The following CASP2 variants were observed in gnomAD, a reference collection of about 807,000 sequenced individuals.
The protein encoded by CASP2 is caspase 2, also known as caspase-2.
A neutral mutation model predicts 54.4 loss-of-function variants in CASP2; 38 were observed. The ratio of observed to expected loss-of-function variants is 0.70; its 90% CI spans 0.54 to 0.92. The LOEUF is 0.92. Ranked by LOEUF, CASP2 falls within the 40% of genes least tolerant of loss-of-function variation. CASP2 has a pLI of 0.00. For missense variants in CASP2, 512 were observed against 579.6 expected (o/e 0.88, Z 1.20); for synonymous variants, 215 against 216.3 (o/e 0.99, Z 0.05).
At chr7:143,297,729 G>T (rs1489681075) in intron 6 of CASP2, among the ~76,000 whole-genome samples, 1 of 152,106 alleles carries the variant, frequency 6.6e-6, no homozygotes, top group East Asian at 1.9e-4. Flanking sequence ...TTACAGGCGT[G>T]AGCCACCGCG....
At position 143,291,580 on chromosome 7, in the gene CASP2, ACT is replaced by A. The variant is rs1239926646; in HGVS notation, c.118_119del (p.Leu40LysfsTer53). ...TGGCATGCATCCTCATCATCAGGAAACTCTAAAAAAGAACCGAGTGGTGCTAG... is the reference window on the plus strand; with the variant it reads ...TGGCATGCATCCTCATCATCAGGAAACTAAAAAAGAACCGAGTGGTGCTAG... ...VCGMHPHHQE[T>X]LKKNRVVLAK... On this transcript the variant is annotated frameshift_variant, in exon 2 of 11. Coordinates refer to ENST00000310447, the MANE Select transcript of CASP2 (RefSeq NM_032982.4). LOFTEE classifies it high-confidence loss of function. 7 of 1,613,874 alleles carry A rather than the reference ACT, an allele frequency of 4.3e-6. No individual in the cohort carries two copies. The highest frequency in any genetic ancestry group is 1.3e-5 in the African/African-American group (1 of 74,848).
Position 143,291,600 on chromosome 7 carries a change from G to A in CASP2, c.135G>A (p.Val45=), listed in dbSNP as rs61732978. 1.1e-4 allele frequency: 183 copies of A among 1,613,976 alleles called. 1 individual carries two copies. In the African/African-American group the frequency reaches 2.1e-3, roughly 19 times the overall value. Residue 45 remains valine (V), a synonymous_variant, in exon 2 of 11, where the codon GTG becomes GTA. Transcript: ENST00000310447. ...HHQETLKKNR[V]VLAKQLLLSE... ...AGGAAACTCTAAAAAAGAACCGAGT[G>A]GTGCTAGCCAAACAGCTGTTGTTGA...
intron 1 of CASP2, chr7:143,289,622 T>C (rs1456590751): frequency 8.1e-6 from 8 of 984,198 alleles, no homozygotes; most frequent in Admixed American, 6.1e-5. Flanking sequence ...CGAATACTAC[T>C]GGTAAACTAA....
chr7:143,303,854 T>C lies in CASP2; in HGVS notation c.1038T>C (p.Ser346=). 1.9e-6 allele frequency: 3 copies of C among 1,613,558 alleles called. No homozygotes were observed. The highest frequency in any genetic ancestry group is 2.5e-6 in the Non-Finnish European group (3 of 1,179,832). ...NHAGSPGCEE[S]DAGKEKLPKM... is the part of the protein sequence containing the mutation. The stretch of plus-strand genomic sequence containing the variant: ...CAGGATCCCCTGGGTGCGAGGAGAG[T>C]GATGCCGGTAAAGAAAAGTTGCCGA... The change falls in exon 9 of 11, where the codon AGT becomes AGC. Residue 346 remains serine (S), a synonymous_variant. Transcript: ENST00000310447.
At chr7:143,288,588 C>G in intron 1 of CASP2, 59 bp downstream of exon 1, 1 of 1,470,816 alleles carries the variant, frequency 6.8e-7, no homozygotes, top group Non-Finnish European at 9.4e-7. Context: ...GAGCGTGGCC[C>G]CCAGGCGTGC....
chr7:143,291,480 C>T, intron 1 of CASP2, 60 bp from the exon 2 acceptor site: 3 of 1,535,866 alleles, frequency 2.0e-6, no homozygotes, highest in Non-Finnish European at 2.7e-6. Context: ...GCCTCTTCCA[C>T]TCCACTCTTC....
intron 1 of CASP2, chr7:143,290,596 C>G (rs1801527507): frequency 6.6e-6 from 1 of 152,178 alleles, no homozygotes; most frequent in African/African-American, 2.4e-5. Context: ...GATCTCTTTG[C>G]AAGCCTGTAG....
Position 143,305,212 on chromosome 7 carries a change from A to G in CASP2, c.*141A>G. The G allele has an allele frequency of 2.7e-6, 3 of 1,093,212 alleles. No homozygotes were observed. The Admixed American group carries it at 5.8e-5, about 21-fold the overall frequency. 67.7% of individuals were successfully genotyped at this position (1,093,212 alleles called of 1,614,324 possible). On this transcript the variant is annotated 3_prime_UTR_variant, in exon 11 of 11. Transcript: ENST00000310447. ...TCTCCCAGACTTGTTTCCTGTGCCCATCATCTCTGCCTTTGAGTGTGGGAC... is the reference window on the plus strand; with the variant it reads ...TCTCCCAGACTTGTTTCCTGTGCCCGTCATCTCTGCCTTTGAGTGTGGGAC...
chr7:143,301,007 A>G (rs1801901201), intron 8 of CASP2: 1 of 780,662 alleles, frequency 1.3e-6, no homozygotes, highest in Non-Finnish European at 1.6e-6. Context: ...ACCATTTACT[A>G]GTAACGTGAA....
At chr7:143,291,298 T>G (rs988797272) in intron 1 of CASP2, among the ~76,000 whole-genome samples, 2 of 152,240 alleles carry the variant, frequency 1.3e-5, no homozygotes, top group African/African-American at 4.8e-5. Flanking sequence ...CCTCCTCTAG[T>G]CAGACCATTC....
intron 6 of CASP2, 136 bp downstream of exon 6, chr7:143,294,909 C>G (rs1038521039): frequency 1.5e-5 from 12 of 778,094 alleles, no homozygotes; most frequent in Non-Finnish European, 2.6e-5. Context: ...TTTACTCACT[C>G]TGTTCTGCCT....
intron 6 of CASP2, among the ~76,000 whole-genome samples, chr7:143,295,609 TC>T (rs1407317031): frequency 6.6e-6 from 1 of 152,246 alleles, no homozygotes; most frequent in Non-Finnish European, 1.5e-5. Flanking sequence ...GCTAGGAGAT[TC>T]ACTTTGATCT....
intron 5 of CASP2, 46 bp downstream of exon 5, chr7:143,294,370 A>G: frequency 7.5e-7 from 1 of 1,330,400 alleles, no homozygotes; most frequent in Non-Finnish European, 1.1e-6. Context: ...GGGAAATTAG[A>G]CACCCTTCCT....
intron 1 of CASP2, chr7:143,289,655 T>A: frequency 1.0e-6 from 1 of 971,230 alleles, no homozygotes; most frequent in Non-Finnish European, 1.2e-6. Flanking sequence ...GCTGCACCAC[T>A]GGTTAGTATC....
chr7:143,288,650 T>C, intron 1 of CASP2, 121 bp downstream of exon 1: 3 of 916,316 alleles, frequency 3.3e-6, no homozygotes, highest in South Asian at 3.1e-5. Context: ...GTGTCCGCGC[T>C]TCCTGCCAAG....
chr7:143,288,410 T>TTGGGCTG lies in CASP2; in HGVS notation c.-40_-34dup, dbSNP rs1177242655. The stretch of plus-strand genomic sequence containing the variant: ...GGGGAAGCGACGGCCCCCGGTTTGT[T>TTGGGCTG]TGGGCTGTGGGCGGTGCGCAGCGGA... On this transcript the variant is annotated 5_prime_UTR_variant, in exon 1 of 11. Transcript: ENST00000310447. The TTGGGCTG allele has an allele frequency of 6.3e-7, 1 of 1,597,010 alleles. No homozygotes were observed. The highest frequency in any genetic ancestry group is 8.6e-7 in the Non-Finnish European group (1 of 1,167,440).
chr7:143,293,350 AC>A, intron 4 of CASP2: 1 of 428,656 alleles, frequency 2.3e-6, no homozygotes, highest in Non-Finnish European at 4.1e-6. Context: ...CTGGTGTCAA[AC>A]TTCTGGCCTC....
intron 6 of CASP2, among the ~76,000 whole-genome samples, chr7:143,295,083 A>C (rs978466852): frequency 2.6e-5 from 4 of 151,544 alleles, no homozygotes; most frequent in Non-Finnish European, 5.9e-5. Context: ...GCTGGAGTGC[A>C]ATGGCACGAT....
chr7:143,289,680 A>G (rs1441295247), intron 1 of CASP2: 4 of 879,172 alleles, frequency 4.5e-6, no homozygotes, highest in Non-Finnish European at 5.5e-6. Flanking sequence ...CTGCAGTGTT[A>G]TATGTGATCG....
Sources: allele counts gnomAD v4.1 joint callset (sites outside exome capture counted in the v4.1 genomes callset), GRCh38; gene constraint gnomAD v4.1.1; transcripts MANE v1.5; gene names NCBI Gene and HGNC (gene_info 2026-07-23, HGNC 2026-07-21).